The following PPP1R12A variants were observed in gnomAD, a reference collection of about 807,000 sequenced individuals.
PPP1R12A encodes myosin binding subunit.
A neutral mutation model predicts 139.6 loss-of-function variants in PPP1R12A; 19 were observed. The observed-to-expected ratio is 0.14, with a 90% CI of 0.09 to 0.20. The LOEUF (loss-of-function observed/expected upper bound fraction) is 0.20. PPP1R12A is among the 10% of genes least tolerant of loss of function. The pLI, the probability that PPP1R12A is intolerant of heterozygous loss-of-function variation, is 1.00. For missense variants in PPP1R12A, 925 were observed against 1,211.5 expected, an observed-to-expected ratio of 0.76 and a Z score of 3.51; for synonymous variants, 427 against 420.6, an observed-to-expected ratio of 1.02 and a Z score of -0.19.
At chr12:79,930,202 G>C (rs1196813299) in intron 1 of PPP1R12A, among the ~76,000 whole-genome samples, 1 of 152,122 alleles carries the variant, frequency 6.6e-6, no homozygotes, top group African/African-American at 2.4e-5. Flanking sequence ...ACGAGGGAGA[G>C]AGGATAAAAG....
chr12:79,899,750 C>A (rs1484645588), intron 1 of PPP1R12A, among the ~76,000 whole-genome samples: 1 of 152,098 alleles, frequency 6.6e-6, no homozygotes, highest in Admixed American at 6.5e-5. Context: ...AGTGGAATTT[C>A]TCAGCAGGTA....
rs753359508 is a variant in PPP1R12A at position 79,825,742 on chromosome 12, G to C, written c.792+2578C>G. ...TTTAGTAATAATCTTCAATCTGTAA[G>C]TACTAAGGAAGGTATCCAATGACAA... On this transcript the variant is annotated intron_variant, in intron 5 of 24. Transcript: ENST00000450142. 4.6e-5 allele frequency among the ~76,000 whole-genome samples: 7 copies of C among 151,668 alleles called. No individual in the cohort carries two copies. In the South Asian group the frequency reaches 1.0e-3, roughly 23 times the overall value.
intron 9 of PPP1R12A, among the ~76,000 whole-genome samples, chr12:79,816,989 C>T (rs1221682828): frequency 3.3e-5 from 5 of 151,604 alleles, no homozygotes; most frequent in South Asian, 2.1e-4. Context: ...GTAATTTACC[C>T]GTGTGTGAAA....
At chr12:79,824,485 C>G (rs918064330) in intron 5 of PPP1R12A, among the ~76,000 whole-genome samples, 1 of 152,116 alleles carries the variant, frequency 6.6e-6, no homozygotes, top group African/African-American at 2.4e-5. Flanking sequence ...TTGGATCACT[C>G]TACTAACCTT....
rs539792097 is a variant in PPP1R12A at position 79,848,353 on chromosome 12, C to G, written c.369-2933G>C. On this transcript the variant is annotated intron_variant, in intron 2 of 24. Transcript: ENST00000450142. ...TGTAATTATTCTCCTAGGCAAAATT[C>G]CAAACAATTAGGAATATTTACATAA... Among the ~76,000 whole-genome samples the G allele has an allele frequency of 9.9e-5, 15 of 152,196 alleles. No individual in the cohort carries two copies. The South Asian group carries it at 3.1e-3, about 32-fold the overall frequency.
chr12:79,888,193 T>C (rs1884277747), intron 1 of PPP1R12A, among the ~76,000 whole-genome samples: 1 of 152,088 alleles, frequency 6.6e-6, no homozygotes, highest in Non-Finnish European at 1.5e-5. Context: ...GACACGTAAC[T>C]AAACACACAA....
At chr12:79,927,724 T>C (rs1023782506) in intron 1 of PPP1R12A, among the ~76,000 whole-genome samples, 19 of 152,216 alleles carry the variant, frequency 1.2e-4, no homozygotes, top group Middle Eastern at 3.2e-3. Context: ...AAAAAGCATG[T>C]TGTGAAAATT....
chr12:79,898,813 C>T (rs1270605662), intron 1 of PPP1R12A, among the ~76,000 whole-genome samples: 1 of 152,100 alleles, frequency 6.6e-6, no homozygotes, highest in African/African-American at 2.4e-5. Flanking sequence ...CCAACTCACA[C>T]CCTCCCTCAA....
In PPP1R12A at chr12:79,916,383, CT is replaced by C. The variant is rs958496221; in HGVS notation, c.237+18311del. Among the ~76,000 whole-genome samples, 8 of 7,170 alleles carry C rather than the reference CT, an allele frequency of 1.1e-3. 1 individual carries two copies. Among genetic ancestry groups the C allele is most frequent in the African/African-American group, 0.011 (7 of 652 alleles). 4.7% of individuals were successfully genotyped at this position (7,170 alleles called of 152,430 possible). On this transcript the variant is annotated intron_variant, in intron 1 of 24. Coordinates refer to ENST00000450142, the MANE Select transcript of PPP1R12A (RefSeq NM_002480.3). ...CTTGGGGCTGTTTTTTCAATTCATT[CT>C]TAAGACAGATATTCATCGACAAATG...
intron 1 of PPP1R12A, among the ~76,000 whole-genome samples, chr12:79,898,789 T>A (rs1226983731): frequency 6.6e-6 from 1 of 152,090 alleles, no homozygotes; most frequent in Non-Finnish European, 1.5e-5. Context: ...CTTTCCGACA[T>A]CTCTGCCTCT....
chr12:79,788,339 T>G (rs927709266), intron 21 of PPP1R12A: 1 of 196,964 alleles, frequency 5.1e-6, no homozygotes, highest in African/African-American at 2.3e-5. Flanking sequence ...CTTCTCTGTT[T>G]GGCTGCTTCC....
At chr12:79,901,857 GAC>G (rs1226202012) in intron 1 of PPP1R12A, among the ~76,000 whole-genome samples, 1 of 152,158 alleles carries the variant, frequency 6.6e-6, no homozygotes, top group East Asian at 1.9e-4. Flanking sequence ...TGGAGAATAA[GAC>G]ACAGAGTCAG....
At chr12:79,848,225 A>G (rs1201391205) in intron 2 of PPP1R12A, among the ~76,000 whole-genome samples, 1 of 152,208 alleles carries the variant, frequency 6.6e-6, no homozygotes, top group Non-Finnish European at 1.5e-5. Flanking sequence ...ATGTATATAA[A>G]ACTAAAAAGA....
intron 1 of PPP1R12A, among the ~76,000 whole-genome samples, chr12:79,886,285 T>C (rs920193908): frequency 2.0e-5 from 3 of 152,150 alleles, no homozygotes; most frequent in African/African-American, 7.2e-5. Context: ...AAGAAAAACC[T>C]AGCTCTTGCA....
intron 1 of PPP1R12A, among the ~76,000 whole-genome samples, chr12:79,925,309 C>T (rs747939231): frequency 2.6e-5 from 4 of 151,996 alleles, no homozygotes; most frequent in Non-Finnish European, 4.4e-5. Flanking sequence ...TACTTTCCCA[C>T]ATGGTTATTA....
intron 1 of PPP1R12A, among the ~76,000 whole-genome samples, chr12:79,885,208 T>C (rs571664246): frequency 2.0e-5 from 3 of 152,102 alleles, no homozygotes; most frequent in Admixed American, 6.6e-5. Flanking sequence ...TGGGTGTTCT[T>C]GGGTAAACTC....
chr12:79,775,870 A>G lies in PPP1R12A; in HGVS notation c.*59T>C, dbSNP rs1869652776. On this transcript the variant is annotated 3_prime_UTR_variant, in exon 25 of 25. Transcript: ENST00000450142. Reference sequence around the variant, plus strand: ...CTTCCCAGACTTCCAGTGACTGCCAATTATGGTCCACTGGGTTACTAATAT... The same window carrying G: ...CTTCCCAGACTTCCAGTGACTGCCAGTTATGGTCCACTGGGTTACTAATAT... 2.4e-6 allele frequency: 3 copies of G among 1,237,302 alleles called. No homozygotes were observed. Among genetic ancestry groups the G allele is most frequent in the African/African-American group, 1.5e-5 (1 of 64,564 alleles). The allele number at this position is 1,237,302 out of a possible 1,614,324, so 76.6% of individuals were successfully genotyped here.
chr12:79,815,196 A>C (rs1243309677), intron 9 of PPP1R12A, among the ~76,000 whole-genome samples: 1 of 152,228 alleles, frequency 6.6e-6, no homozygotes, highest in Non-Finnish European at 1.5e-5. Flanking sequence ...AGTTTACCGT[A>C]ATCATTTGAC....
At chr12:79,876,046 G>C (rs1440987822) in intron 1 of PPP1R12A, among the ~76,000 whole-genome samples, 4 of 152,154 alleles carry the variant, frequency 2.6e-5, no homozygotes, top group African/African-American at 7.2e-5. Context: ...GCTGATGAGA[G>C]ATAATGGATC....
Sources: gnomAD v4.1 joint callset for allele counts (sites outside exome capture counted in the v4.1 genomes callset) on GRCh38, gnomAD v4.1.1 for gene constraint, MANE v1.5 for transcripts, NCBI Gene and HGNC (gene_info 2026-07-23, HGNC 2026-07-21) for gene names.